DPYSL3: variants seen among roughly 807,000 people sequenced by gnomAD.
DPYSL3 encodes the protein dihydropyrimidinase like 3.
DPYSL3 carries 16 observed loss-of-function variants against 66.1 expected under a neutral mutation model. The ratio of observed to expected loss-of-function variants is 0.24; its 90% CI spans 0.16 to 0.37. DPYSL3 has a LOEUF of 0.37. DPYSL3 is among the 10% of genes least tolerant of loss of function. The probability of loss-of-function intolerance (pLI) is 1.00; values close to 1 mark genes in which losing one functional copy is unlikely to be tolerated. For missense variants in DPYSL3, 738 were observed against 916.2 expected (o/e 0.81, Z 2.51); for synonymous variants, 338 against 345.1 (o/e 0.98, Z 0.23).
At chr5:147,429,562 C>T (rs900873293) in intron 1 of DPYSL3, among the ~76,000 whole-genome samples, 56 of 152,128 alleles carry the variant, frequency 3.7e-4, no homozygotes, top group African/African-American at 1.3e-3. Flanking sequence ...ATTTATAATA[C>T]TTTGAATGTT....
chr5:147,506,393 A>G (rs562380809), intron 1 of DPYSL3, among the ~76,000 whole-genome samples: 44 of 152,274 alleles, frequency 2.9e-4, no homozygotes, highest in African/African-American at 1.0e-3. Flanking sequence ...CCATGGAGAC[A>G]ATAGTAAGTC....
chr5:147,475,717 A>T (rs1481576254), intron 1 of DPYSL3, among the ~76,000 whole-genome samples: 1 of 152,122 alleles, frequency 6.6e-6, no homozygotes, highest in Non-Finnish European at 1.5e-5. Context: ...GTAATTACAA[A>T]CTATAGAAGT....
chr5:147,499,693 A>G (rs972773243), intron 1 of DPYSL3, among the ~76,000 whole-genome samples: 1 of 152,186 alleles, frequency 6.6e-6, no homozygotes, highest in African/African-American at 2.4e-5. Context: ...TTTTGTTGAT[A>G]TCAACAAACT....
At chr5:147,455,836 C>G (rs1752841891) in intron 1 of DPYSL3, among the ~76,000 whole-genome samples, 1 of 151,474 alleles carries the variant, frequency 6.6e-6, no homozygotes, top group African/African-American at 2.4e-5. Flanking sequence ...TCTGAGTTAT[C>G]TCCTCTGTTA....
At chr5:147,505,900 G>A (rs1480257718) in intron 1 of DPYSL3, among the ~76,000 whole-genome samples, 1 of 152,094 alleles carries the variant, frequency 6.6e-6, no homozygotes, top group South Asian at 2.1e-4. Flanking sequence ...ATTAAAATAA[G>A]GAAGCAGCCT....
chr5:147,494,331 G>A (rs4705039), intron 1 of DPYSL3, among the ~76,000 whole-genome samples: 1,738 of 152,030 alleles, frequency 0.011, 64 homozygotes, highest in East Asian at 0.087. Flanking sequence ...ATTAAAGTAA[G>A]CAGAAGAAAA....
intron 1 of DPYSL3, among the ~76,000 whole-genome samples, chr5:147,435,939 T>C (rs1029743175): frequency 1.4e-5 from 2 of 148,116 alleles, no homozygotes; most frequent in Admixed American, 6.7e-5. Flanking sequence ...GGGGAGGGAG[T>C]GGTTATTGGA....
intron 1 of DPYSL3, among the ~76,000 whole-genome samples, chr5:147,471,492 T>C (rs1183061037): frequency 1.3e-5 from 2 of 152,138 alleles, no homozygotes; most frequent in Non-Finnish European, 2.9e-5. Flanking sequence ...AATAAAATGA[T>C]TTTCTCTTGG....
intron 2 of DPYSL3, among the ~76,000 whole-genome samples, chr5:147,422,812 T>C (rs530188686): frequency 1.3e-5 from 2 of 150,874 alleles, no homozygotes; most frequent in South Asian, 4.2e-4. Context: ...AATGAGAACA[T>C]ATGGGCACGG....
chr5:147,404,487 T>C (rs959634050), intron 8 of DPYSL3, among the ~76,000 whole-genome samples: 3 of 152,230 alleles, frequency 2.0e-5, no homozygotes, highest in Admixed American at 6.5e-5. Flanking sequence ...TCACCCATGT[T>C]GGGCCTCTCT....
chr5:147,436,391 T>C (rs1192939284), intron 1 of DPYSL3, among the ~76,000 whole-genome samples: 3 of 152,206 alleles, frequency 2.0e-5, no homozygotes, highest in African/African-American at 7.2e-5. Context: ...CAAAATATGA[T>C]GTAGTTCTTG....
chr5:147,455,002 C>T (rs1302546823), intron 1 of DPYSL3, among the ~76,000 whole-genome samples: 2 of 152,092 alleles, frequency 1.3e-5, no homozygotes, highest in African/African-American at 4.8e-5. Context: ...ATTTTCCCAC[C>T]GCTCCCCAAT....
At chr5:147,484,648 A>G (rs1358298902) in intron 1 of DPYSL3, among the ~76,000 whole-genome samples, 3 of 152,212 alleles carry the variant, frequency 2.0e-5, no homozygotes, top group Non-Finnish European at 4.4e-5. Context: ...GCAAGTGCTC[A>G]CTGGTAATAT....
At chr5:147,438,286 T>C (rs1344546766) in intron 1 of DPYSL3, among the ~76,000 whole-genome samples, 1 of 152,198 alleles carries the variant, frequency 6.6e-6, no homozygotes, top group African/African-American at 2.4e-5. Flanking sequence ...GTTGTATTGA[T>C]AGATAAAACT....
chr5:147,443,592 C>CA (rs1561790507), intron 1 of DPYSL3, among the ~76,000 whole-genome samples: 2 of 147,696 alleles, frequency 1.4e-5, no homozygotes, highest in African/African-American at 4.9e-5. Context: ...ACATGTATCC[C>CA]GTTTTTTTTT....
At chr5:147,414,942 A>G (rs1057254567) in intron 4 of DPYSL3, among the ~76,000 whole-genome samples, 1 of 152,044 alleles carries the variant, frequency 6.6e-6, no homozygotes, top group Non-Finnish European at 1.5e-5. Context: ...TTGGGTGTTC[A>G]GCAAAGGCCA....
intron 1 of DPYSL3, among the ~76,000 whole-genome samples, chr5:147,495,912 T>C (rs978250572): frequency 6.6e-6 from 1 of 152,150 alleles, no homozygotes; most frequent in Non-Finnish European, 1.5e-5. Flanking sequence ...CAAGTTCATA[T>C]GGAACCAAAA....
At chr5:147,495,154 C>T (rs990914040) in intron 1 of DPYSL3, among the ~76,000 whole-genome samples, 3 of 152,154 alleles carry the variant, frequency 2.0e-5, no homozygotes, top group Non-Finnish European at 4.4e-5. Flanking sequence ...CGATTCTCTA[C>T]AATCTCTTTC....
chr5:147,461,040 A>G (rs1752922915), intron 1 of DPYSL3, among the ~76,000 whole-genome samples: 1 of 152,184 alleles, frequency 6.6e-6, no homozygotes, highest in African/African-American at 2.4e-5. Flanking sequence ...AGCCCAAGAA[A>G]AGCAGCCTGG....
Sources: allele counts gnomAD v4.1 joint callset (sites outside exome capture counted in the v4.1 genomes callset), GRCh38; gene constraint gnomAD v4.1.1; transcripts MANE v1.5; gene names NCBI Gene and HGNC (gene_info 2026-07-23, HGNC 2026-07-21).